VPS54: variants seen among roughly 807,000 people sequenced by gnomAD.
VPS54 encodes VPS54 subunit of GARP complex.
VPS54 carries 45 observed loss-of-function variants against 121.5 expected under a neutral mutation model. That is an observed-to-expected ratio of 0.37 (90% CI 0.29 to 0.47). VPS54 has a LOEUF of 0.47. Ranked by LOEUF, VPS54 falls within the 20% of genes least tolerant of loss-of-function variation. VPS54 has a pLI of 0.99. For missense variants in VPS54, 1,090 were observed against 1,131.4 expected (o/e 0.96, Z 0.52); for synonymous variants, 371 against 385.8 (o/e 0.96, Z 0.45).
At chr2:64,006,456 C>T (rs140432125) in intron 1 of VPS54, among the ~76,000 whole-genome samples, 10 of 152,310 alleles carry the variant, frequency 6.6e-5, no homozygotes, top group Non-Finnish European at 8.8e-5. Flanking sequence ...AGTTGTGTGA[C>T]AACTGTCTTA....
intron 11 of VPS54, among the ~76,000 whole-genome samples, chr2:63,938,056 T>TG (rs745514169): frequency 6.1e-4 from 50 of 81,762 alleles, no homozygotes; most frequent in African/African-American, 2.0e-3. Flanking sequence ...GTGTGGTGTG[T>TG]GTGGTGTGTG....
At chr2:64,010,007 AAT>A (rs1056476221) in intron 1 of VPS54, among the ~76,000 whole-genome samples, 2 of 151,624 alleles carry the variant, frequency 1.3e-5, no homozygotes, top group African/African-American at 4.8e-5. Flanking sequence ...TTGCCTGCCT[AAT>A]TTTCGTATTT....
intron 7 of VPS54, among the ~76,000 whole-genome samples, chr2:63,953,832 A>T (rs1489642852): frequency 6.6e-6 from 1 of 152,186 alleles, no homozygotes; most frequent in Non-Finnish European, 1.5e-5. Context: ...TCACTTCTTC[A>T]ATCTTACATA....
intron 18 of VPS54, among the ~76,000 whole-genome samples, 187 bp downstream of exon 18, chr2:63,913,036 C>T (rs956689665): frequency 1.3e-5 from 2 of 152,008 alleles, no homozygotes; most frequent in African/African-American, 2.4e-5. Flanking sequence ...GGAAATGCAT[C>T]GTAACCTTTT....
At chr2:64,005,982 T>C (rs916566719) in intron 1 of VPS54, among the ~76,000 whole-genome samples, 1 of 152,176 alleles carries the variant, frequency 6.6e-6, no homozygotes, top group Non-Finnish European at 1.5e-5. Flanking sequence ...ATTAAGAGTA[T>C]GAGATAGTCT....
Position 63,941,534 on chromosome 2 carries a change from T to C in VPS54, c.1398+931A>G, listed in dbSNP as rs144435190. ...AATCCACCGTGCCCAGCCTGTATTC[T>C]TCTTAAACCAAAGTTATGACATGTT... On this transcript the variant is annotated intron_variant, in intron 11 of 22. Coordinates refer to ENST00000272322, the MANE Select transcript of VPS54 (RefSeq NM_016516.3). 6.2e-3 allele frequency among the ~76,000 whole-genome samples: 945 copies of C among 152,336 alleles called. 5 individuals carry two copies. Among genetic ancestry groups the C allele is most frequent in the Admixed American group, 0.011 (164 of 15,306 alleles).
At chr2:63,960,027 T>C (rs1413395078) in intron 7 of VPS54, among the ~76,000 whole-genome samples, 1 of 150,508 alleles carries the variant, frequency 6.6e-6, no homozygotes. Flanking sequence ...CTCAAAAAAA[T>C]AAAAAATAAA....
chr2:63,908,511 T>C (rs1013243178), intron 20 of VPS54, among the ~76,000 whole-genome samples: 4 of 152,162 alleles, frequency 2.6e-5, no homozygotes, highest in Non-Finnish European at 5.9e-5. Flanking sequence ...ATAGTATACA[T>C]ACACTTAGAA....
At chr2:63,942,380 G>C (rs1337435002) in intron 11 of VPS54, 85 bp downstream of exon 11, 3 of 934,312 alleles carry the variant, frequency 3.2e-6, no homozygotes, top group Non-Finnish European at 4.5e-6. Flanking sequence ...TTTTATTCTA[G>C]TTTGAGTCTT....
chr2:63,914,150 A>C, intron 17 of VPS54, 32 bp downstream of exon 17: 1 of 1,562,858 alleles, frequency 6.4e-7, no homozygotes, highest in Non-Finnish European at 8.8e-7. Context: ...TCCTCGAAAA[A>C]TTTTTCCATA....
At chr2:63,969,164 G>A (rs538174538) in intron 4 of VPS54, among the ~76,000 whole-genome samples, 173 bp from the exon 5 acceptor site, 5 of 152,238 alleles carry the variant, frequency 3.3e-5, no homozygotes, top group African/African-American at 7.2e-5. Flanking sequence ...TAGGCAAAGC[G>A]CTGAACAAAA....
intron 4 of VPS54, among the ~76,000 whole-genome samples, chr2:63,970,264 G>GAT (rs70965155): frequency 2.3e-5 from 3 of 128,986 alleles, no homozygotes; most frequent in African/African-American, 3.0e-5. Flanking sequence ...GATATATATA[G>GAT]ATATATATAG....
chr2:63,949,847 C>T (rs1036851891), intron 7 of VPS54, among the ~76,000 whole-genome samples: 1 of 152,130 alleles, frequency 6.6e-6, no homozygotes, highest in Non-Finnish European at 1.5e-5. Flanking sequence ...CTTCTTTCAC[C>T]ATTTGCTTTA....
intron 12 of VPS54, among the ~76,000 whole-genome samples, chr2:63,932,806 T>G (rs1674275049): frequency 6.6e-6 from 1 of 152,142 alleles, no homozygotes; most frequent in Non-Finnish European, 1.5e-5. Context: ...TAACGGAGAT[T>G]ACTGGGTCAA....
intron 5 of VPS54, among the ~76,000 whole-genome samples, chr2:63,967,006 A>G (rs1313601084): frequency 6.6e-6 from 1 of 152,222 alleles, no homozygotes; most frequent in East Asian, 1.9e-4. Flanking sequence ...TATCATGCAT[A>G]CTTAATTATT....
chr2:63,988,316 C>T lies in VPS54; in HGVS notation c.-20-4297G>A, dbSNP rs367595381. Among the ~76,000 whole-genome samples the T allele has an allele frequency of 1.8e-4, 28 of 152,314 alleles. 1 individual carries two copies. The East Asian group carries it at 5.0e-3, about 27-fold the overall frequency. On this transcript the variant is annotated intron_variant, in intron 1 of 22. Transcript: ENST00000272322. ...CTTGATATGATGTATCACCTTTGCA[C>T]ATGTTGAACTATCTACATTCCTGAA...
At chr2:63,914,436 A>T (rs1022739376) in intron 16 of VPS54, 149 bp from the exon 17 acceptor site, 6 of 622,860 alleles carry the variant, frequency 9.6e-6, no homozygotes, top group Non-Finnish European at 1.7e-5. Context: ...CATTTTACCT[A>T]CTAGTACAGC....
chr2:63,948,160 T>G (rs966291111), intron 8 of VPS54, among the ~76,000 whole-genome samples: 1 of 152,124 alleles, frequency 6.6e-6, no homozygotes, highest in Non-Finnish European at 1.5e-5. Flanking sequence ...TCTAGAAGAC[T>G]GAAATAATGA....
chr2:64,006,898 C>A (rs1178669679), intron 1 of VPS54, among the ~76,000 whole-genome samples: 1 of 152,202 alleles, frequency 6.6e-6, no homozygotes, highest in Non-Finnish European at 1.5e-5. Flanking sequence ...GGATTACAGG[C>A]GTGAGCCACC....
Sources: allele counts gnomAD v4.1 joint callset (sites outside exome capture counted in the v4.1 genomes callset), GRCh38; gene constraint gnomAD v4.1.1; transcripts MANE v1.5; gene names NCBI Gene and HGNC (gene_info 2026-07-23, HGNC 2026-07-21).